CEP350: variants seen among roughly 807,000 people sequenced by gnomAD.
CEP350 encodes the protein centrosome-associated protein 350.
CEP350 carries 126 observed loss-of-function variants against 331.8 expected under a neutral mutation model. That is an observed-to-expected ratio of 0.38 (90% CI 0.33 to 0.44). The LOEUF (loss-of-function observed/expected upper bound fraction) is 0.44, where lower values mean the gene tolerates loss of function less well. Ranked by LOEUF, CEP350 falls within the 20% of genes least tolerant of loss-of-function variation. The probability of loss-of-function intolerance (pLI) is 1.00; values close to 1 mark genes in which losing one functional copy is unlikely to be tolerated. For synonymous variants in CEP350, 1,200 were observed against 1,259.5 expected (o/e 0.95, Z 1.00); for missense variants, 3,406 against 3,634.6 (o/e 0.94, Z 1.62).
At chr1:180,092,364 T>C (rs932968760) in intron 33 of CEP350, among the ~76,000 whole-genome samples, 3 of 152,234 alleles carry the variant, frequency 2.0e-5, no homozygotes, top group Non-Finnish European at 4.4e-5. Context: ...TAGATACATT[T>C]TTCTTCACTT....
At position 180,020,244 on chromosome 1, in the gene CEP350, C is replaced by T. The variant is rs376245955; in HGVS notation, c.2470C>T (p.Arg824Cys). 4 of 1,613,978 alleles carry T rather than the reference C, an allele frequency of 2.5e-6. No homozygotes were observed. The highest frequency in any genetic ancestry group is 1.7e-5 in the Admixed American group (1 of 60,024). ...SASQYKSKLD[R>C]IEALKATAAS... Reference sequence around the variant, plus strand: ...CAGCCAATATAAGAGTAAACTGGATCGTATTGAAGCCTTGAAAGCAACAGC... The same window carrying T: ...CAGCCAATATAAGAGTAAACTGGATTGTATTGAAGCCTTGAAAGCAACAGC... Residue 824 changes from arginine to cysteine, a missense_variant, in exon 12 of 38, where the codon CGT becomes TGT. Physicochemically the swap from Arg to Cys is radical, Grantham distance 180. This residue lies in a region of CEP350 where 1,857 missense variants were observed against 1,909.2 expected (regional missense o/e 0.97). Coordinates refer to ENST00000367607, the MANE Select transcript of CEP350 (RefSeq NM_014810.5).
At chr1:180,009,066 C>G (rs2501609) in intron 8 of CEP350, among the ~76,000 whole-genome samples, 151,432 of 152,388 alleles carry the variant, frequency 0.99, 75,251 homozygotes, top group Middle Eastern at 1. Flanking sequence ...CTGGTGTACA[C>G]TGGCACAATC....
intron 27 of CEP350, among the ~76,000 whole-genome samples, chr1:180,069,767 A>G (rs1469481813): frequency 2.0e-5 from 3 of 152,226 alleles, no homozygotes; most frequent in Admixed American, 6.5e-5. Flanking sequence ...AAGTACTCAA[A>G]AGAATCCATT....
chr1:180,024,138 G>A lies in CEP350; in HGVS notation c.3387-281G>A, dbSNP rs78066111. 5.4e-3 allele frequency among the ~76,000 whole-genome samples: 823 copies of A among 151,850 alleles called. 12 individuals carry two copies. The highest frequency in any genetic ancestry group is 0.018 in the African/African-American group (767 of 41,474). On this transcript the variant is annotated intron_variant, in intron 13 of 37. Transcript: ENST00000367607. Reference sequence around the variant, plus strand: ...GTTATAATATATAAATTATAAATTTGAATAGAAATTGAGGCCATATTTTCC... The same window carrying A: ...GTTATAATATATAAATTATAAATTTAAATAGAAATTGAGGCCATATTTTCC...
Position 180,095,849 on chromosome 1 carries a change from C to A in CEP350, c.8838C>A (p.Ser2946Arg). The A allele has an allele frequency of 6.2e-7, 1 of 1,613,778 alleles. No individual in the cohort carries two copies. Among genetic ancestry groups the A allele is most frequent in the Non-Finnish European group, 8.5e-7 (1 of 1,179,808 alleles). ...AAGAATTAGGCCACGATCTTCATAGCATCAGTATTCCTACAAAACTGCTTG... is the reference window on the plus strand; with the variant it reads ...AAGAATTAGGCCACGATCTTCATAGAATCAGTATTCCTACAAAACTGCTTG... ...KWKELGHDLH[S>R]ISIPTKLLGC... The change falls in exon 35 of 38, where the codon AGC (serine) becomes AGA (arginine). Residue 2946 changes from serine to arginine, a missense_variant. Physicochemically the swap from Ser to Arg is moderately radical, Grantham distance 110. Around this residue, in one of 5 missense-constraint regions of CEP350, gnomAD observed 1,415 missense variants for 1,512.3 expected, o/e 0.94. Transcript: ENST00000367607.
chr1:180,004,858 G>A (rs1025318325), intron 7 of CEP350, among the ~76,000 whole-genome samples: 2 of 148,446 alleles, frequency 1.3e-5, no homozygotes, highest in African/African-American at 5.0e-5. Flanking sequence ...CAGAGCTTGG[G>A]CAGGCAGGCT....
In CEP350 at chr1:180,093,725, A is replaced by C; in HGVS notation, c.7620A>C (p.Gly2540=). The stretch of plus-strand genomic sequence containing the variant: ...ATAAACCTGAAGGAAATAACAATGG[A>C]ACATATGATGGTATTGCATATTTTG... ...ELDKPEGNNN[G]TYDGIAYFEC... Residue 2540 remains glycine, a synonymous_variant, in exon 34 of 38, where the codon GGA becomes GGC. Transcript: ENST00000367607. 6.2e-7 allele frequency: 1 copy of C among 1,613,970 alleles called. No individual in the cohort carries two copies. The highest frequency in any genetic ancestry group is 8.5e-7 in the Non-Finnish European group (1 of 1,179,852).
chr1:179,978,832 C>T (rs1354864579), intron 1 of CEP350, among the ~76,000 whole-genome samples: 5 of 151,940 alleles, frequency 3.3e-5, no homozygotes, highest in African/African-American at 4.8e-5. Flanking sequence ...TGTGACCTCC[C>T]GTGTTCTCAT....
chr1:180,104,499 C>A (rs142174522), intron 37 of CEP350, among the ~76,000 whole-genome samples: 213 of 152,212 alleles, frequency 1.4e-3, no homozygotes, highest in African/African-American at 4.5e-3. Flanking sequence ...CCCCAAAGTT[C>A]TCTCATGGGG....
rs754661704 is a variant in CEP350 at position 180,062,373 on chromosome 1, T to C, written c.5409+7T>C. 3.8e-6 allele frequency: 6 copies of C among 1,583,560 alleles called. No homozygotes were observed. The highest frequency in any genetic ancestry group is 1.2e-5 in the South Asian group (1 of 85,648). On this transcript the variant is annotated splice_region_variant and intron_variant, in intron 26 of 37. Coordinates refer to ENST00000367607, the MANE Select transcript of CEP350 (RefSeq NM_014810.5). ...TGCAGGGGAGAGTAAATTGGTAAAC[T>C]ACATGAAGTTATTATTTGTTTCCTG... is the stretch of plus-strand genomic sequence containing the variant.
intron 8 of CEP350, among the ~76,000 whole-genome samples, chr1:180,007,038 T>C (rs914347717): frequency 2.0e-5 from 3 of 152,224 alleles, no homozygotes; most frequent in Admixed American, 2.0e-4. Flanking sequence ...GTTCCAAGTC[T>C]TTGCTATTGT....
intron 26 of CEP350, among the ~76,000 whole-genome samples, chr1:180,063,317 G>A (rs1383295541): frequency 6.7e-6 from 1 of 148,244 alleles, no homozygotes; most frequent in Admixed American, 6.9e-5. Context: ...TCAGCCTCCC[G>A]AGTAGCTGGG....
Position 180,022,698 on chromosome 1 carries a change from G to A in CEP350, c.3236G>A (p.Gly1079Glu), listed in dbSNP as rs763347506. 8 of 1,609,638 alleles carry A rather than the reference G, an allele frequency of 5.0e-6. No homozygotes were observed. Among genetic ancestry groups the A allele is most frequent in the African/African-American group, 2.7e-5 (2 of 74,892 alleles). Residue 1079 changes from glycine (G) to glutamate (E), a missense_variant and splice_region_variant, in exon 13 of 38, where the codon GGG (glycine) becomes GAG (glutamate). Around this residue, in one of 5 missense-constraint regions of CEP350, gnomAD observed 1,857 missense variants for 1,909.2 expected, o/e 0.97. Coordinates refer to ENST00000367607, the MANE Select transcript of CEP350 (RefSeq NM_014810.5). ...ATGTTTCAATTATTACTTTTGTCAG[G>A]GTTTGAAGACAAGTTGGACAGAGGA... Reference protein sequence around the residue: ...FTKSYQLYGKGFEDKLDRGTS... With the variant: ...FTKSYQLYGKEFEDKLDRGTS...
At chr1:179,980,760 T>C (rs1652219455) in intron 1 of CEP350, among the ~76,000 whole-genome samples, 1 of 152,134 alleles carries the variant, frequency 6.6e-6, no homozygotes, top group Non-Finnish European at 1.5e-5. Context: ...GTAAGGACCA[T>C]TTCTTATTTT....
chr1:180,110,847 A>C, intron 37 of CEP350, 150 bp from the exon 38 acceptor site: 1 of 588,608 alleles, frequency 1.7e-6, no homozygotes, highest in South Asian at 3.7e-5. Flanking sequence ...GCAATTTTAA[A>C]AGGGGTATTG....
At chr1:180,023,303 G>C (rs976716062) in intron 13 of CEP350, among the ~76,000 whole-genome samples, 1 of 152,048 alleles carries the variant, frequency 6.6e-6, no homozygotes, top group Non-Finnish European at 1.5e-5. Flanking sequence ...CACTTACTTA[G>C]AACAGGGCCT....
intron 26 of CEP350, among the ~76,000 whole-genome samples, chr1:180,063,186 CTTTTTTTTTTT>C (rs35572192): frequency 1.9e-5 from 2 of 106,966 alleles, no homozygotes; most frequent in African/African-American, 7.3e-5. Context: ...AAATTTGAAA[CTTTTTTTTTTT>C]TTTTTTTTTT....
intron 1 of CEP350, chr1:179,969,447 C>T: frequency 2.0e-6 from 1 of 494,370 alleles, no homozygotes; most frequent in East Asian, 5.7e-5. Context: ...GCTCAGAAGA[C>T]TGGTCTACAG....
At chr1:180,061,176 G>T (rs974065103) in intron 25 of CEP350, among the ~76,000 whole-genome samples, 7 of 135,730 alleles carry the variant, frequency 5.2e-5, no homozygotes, top group African/African-American at 1.8e-4. Context: ...ATGCTTTATT[G>T]ATAAGAAAAC....
Sources: allele counts gnomAD v4.1 joint callset (sites outside exome capture counted in the v4.1 genomes callset), GRCh38; gene constraint gnomAD v4.1.1; regional missense constraint gnomAD v4.1.1; transcripts MANE v1.5; gene names NCBI Gene and HGNC (gene_info 2026-07-23, HGNC 2026-07-21).